Variants in FKBP5 observed in about 807,000 individuals in gnomAD.
FKBP5 encodes the protein FKBP prolyl isomerase 5.
Under a neutral mutation model 50.5 loss-of-function variants are expected in FKBP5, and 23 were observed. The observed-to-expected ratio is 0.46, with a 90% CI of 0.33 to 0.65. FKBP5 has a LOEUF of 0.65. FKBP5 is among the 30% of genes least tolerant of loss of function. The pLI, the probability that FKBP5 is intolerant of heterozygous loss-of-function variation, is 0.02. For missense variants in FKBP5, 411 were observed against 553.1 expected, an observed-to-expected ratio of 0.74 and a Z score of 2.58; for synonymous variants, 176 against 190.6, an observed-to-expected ratio of 0.92 and a Z score of 0.63.
intron 8 of FKBP5, chr6:35,581,685 C>T (rs967391737): frequency 2.6e-5 from 26 of 985,274 alleles, no homozygotes; most frequent in African/African-American, 3.5e-5. Context: ...ACTGGGGAAT[C>T]GCTGGTAAAT....
intron 6 of FKBP5, among the ~76,000 whole-genome samples, chr6:35,591,661 T>A (rs938660958): frequency 1.3e-5 from 2 of 152,176 alleles, no homozygotes; most frequent in Non-Finnish European, 2.9e-5. Flanking sequence ...ACGGGAGGTA[T>A]GTTTTAATAA....
At chr6:35,642,116 AC>A (rs1398314846) in intron 2 of FKBP5, among the ~76,000 whole-genome samples, 1 of 152,194 alleles carries the variant, frequency 6.6e-6, no homozygotes, top group African/African-American at 2.4e-5. Flanking sequence ...GCTTTAGTGT[AC>A]TAAAAGGATA....
At chr6:35,587,759 T>C (rs1406965843) in intron 7 of FKBP5, among the ~76,000 whole-genome samples, 2 of 152,202 alleles carry the variant, frequency 1.3e-5, no homozygotes, top group Non-Finnish European at 2.9e-5. Flanking sequence ...CTAGCTTGTA[T>C]TGTGTGTATT....
chr6:35,596,006 T>G (rs889087594), intron 6 of FKBP5, among the ~76,000 whole-genome samples: 4 of 151,948 alleles, frequency 2.6e-5, no homozygotes, highest in Non-Finnish European at 5.9e-5. Context: ...GAGTTCAAGG[T>G]AGAGCACTTT....
intron 3 of FKBP5, among the ~76,000 whole-genome samples, chr6:35,624,391 A>G (rs1763932791): frequency 1.3e-5 from 2 of 152,098 alleles, no homozygotes; most frequent in African/African-American, 4.8e-5. Context: ...AATCCCAGCT[A>G]CTTGGGAGGC....
At chr6:35,608,066 C>T (rs968198729) in intron 5 of FKBP5, 3 of 152,048 alleles carry the variant, frequency 2.0e-5, no homozygotes, top group African/African-American at 7.2e-5. Flanking sequence ...AAGGATGTCC[C>T]CTACAGCAAC....
At chr6:35,707,368 C>T (rs1211751074) in intron 2 of FKBP5, among the ~76,000 whole-genome samples, 1 of 151,800 alleles carries the variant, frequency 6.6e-6, no homozygotes, top group Non-Finnish European at 1.5e-5. Flanking sequence ...AGGCATGCAC[C>T]ACCACGGCCG....
chr6:35,686,306 T>C (rs1304964073), intron 1 of FKBP5, among the ~76,000 whole-genome samples: 2 of 152,136 alleles, frequency 1.3e-5, no homozygotes, highest in Admixed American at 1.3e-4. Flanking sequence ...AAAAACTAAA[T>C]TTTAAAATGG....
At chr6:35,604,965 T>C (rs1159745252) in intron 5 of FKBP5, among the ~76,000 whole-genome samples, 2 of 152,088 alleles carry the variant, frequency 1.3e-5, no homozygotes, top group Admixed American at 6.6e-5. Context: ...TTTGTATTTT[T>C]AGTAGAGATG....
At chr6:35,602,812 T>C (rs1457970530) in intron 5 of FKBP5, among the ~76,000 whole-genome samples, 1 of 152,192 alleles carries the variant, frequency 6.6e-6, no homozygotes, top group East Asian at 1.9e-4. Context: ...ACCTGGCTCC[T>C]GGAACTGAAT....
At chr6:35,649,449 G>GA (rs1047590803) in intron 1 of FKBP5, among the ~76,000 whole-genome samples, 3 of 144,486 alleles carry the variant, frequency 2.1e-5, no homozygotes, top group Non-Finnish European at 4.5e-5. Context: ...TTTTTTTAAA[G>GA]AAAAAAAATG....
intron 6 of FKBP5, among the ~76,000 whole-genome samples, chr6:35,594,621 TACAC>T (rs939853219): frequency 6.6e-6 from 1 of 151,990 alleles, no homozygotes; most frequent in Non-Finnish European, 1.5e-5. Flanking sequence ...ACAGCATGCA[TACAC>T]ACACACATAT....
chr6:35,619,268 T>C (rs1763753320), intron 4 of FKBP5, 58 bp from the exon 5 acceptor site: 2 of 1,172,718 alleles, frequency 1.7e-6, no homozygotes, highest in East Asian at 2.3e-5. Context: ...ACTGAACATA[T>C]GTGAAGGCAA....
chr6:35,604,002 G>A (rs139111946), intron 5 of FKBP5, among the ~76,000 whole-genome samples: 1,728 of 151,780 alleles, frequency 0.011, 14 homozygotes, highest in Middle Eastern at 0.024. Context: ...CACCGTGCCC[G>A]GCCTCTTTAT....
At chr6:35,598,716 A>G (rs1763057497) in intron 5 of FKBP5, among the ~76,000 whole-genome samples, 1 of 152,128 alleles carries the variant, frequency 6.6e-6, no homozygotes, top group Non-Finnish European at 1.5e-5. Context: ...TCACGCCTGT[A>G]ATCCCACACT....
intron 8 of FKBP5, chr6:35,586,392 C>T: frequency 2.0e-6 from 2 of 985,312 alleles, no homozygotes; most frequent in Non-Finnish European, 2.4e-6. Context: ...GCAATCAATA[C>T]TCTCCTGTCA....
At chr6:35,655,641 T>G (rs1764925689) in intron 1 of FKBP5, among the ~76,000 whole-genome samples, 1 of 152,226 alleles carries the variant, frequency 6.6e-6, no homozygotes, top group African/African-American at 2.4e-5. Context: ...ATCACGATTT[T>G]CAAAATCACA....
At chr6:35,609,225 G>A (rs979304872) in intron 5 of FKBP5, among the ~76,000 whole-genome samples, 1 of 151,492 alleles carries the variant, frequency 6.6e-6, no homozygotes, top group Non-Finnish European at 1.5e-5. Context: ...GTTGCTTCTT[G>A]ACTTATTTTT....
intron 5 of FKBP5, among the ~76,000 whole-genome samples, chr6:35,599,297 C>T (rs904558906): frequency 1.3e-5 from 2 of 152,122 alleles, no homozygotes; most frequent in Admixed American, 1.3e-4. Context: ...ATATCACTCT[C>T]AATATCAATA....
Sources: gnomAD v4.1 joint callset for allele counts (sites outside exome capture counted in the v4.1 genomes callset) on GRCh38, gnomAD v4.1.1 for gene constraint, MANE v1.5 for transcripts, NCBI Gene and HGNC (gene_info 2026-07-23, HGNC 2026-07-21) for gene names.